Variants in SPRED1 observed in about 807,000 individuals in gnomAD.
SPRED1 encodes sprouty-related, EVH1 domain-containing protein 1.
Under a neutral mutation model 52.3 loss-of-function variants are expected in SPRED1, and 18 were observed. That is an observed-to-expected ratio of 0.34 (90% CI 0.24 to 0.51). The LOEUF (loss-of-function observed/expected upper bound fraction) is 0.51. Among genes scored for constraint, SPRED1 ranks in the 20% least tolerant of loss-of-function variants. The pLI is 0.97. For synonymous variants in SPRED1, 155 were observed against 179.7 expected (o/e 0.86, Z 1.10); for missense variants, 485 against 551.0 (o/e 0.88, Z 1.20).
chr15:38,266,453 A>G (rs921386749), intron 1 of SPRED1, among the ~76,000 whole-genome samples: 2 of 152,128 alleles, frequency 1.3e-5, no homozygotes, highest in Non-Finnish European at 2.9e-5. Context: ...CAGCCTGGGC[A>G]ACATGGCAAA....
rs535470553 is a variant in SPRED1, at chr15:38,289,953, A to AT, written c.33-9413dup. Among the ~76,000 whole-genome samples, 1,268 of 152,002 alleles carry AT rather than the reference A, an allele frequency of 8.3e-3. 14 individuals carry two copies. The highest frequency in any genetic ancestry group is 0.029 in the African/African-American group (1,215 of 41,470). On this transcript the variant is annotated intron_variant, in intron 1 of 6. Coordinates refer to ENST00000299084, the MANE Select transcript of SPRED1 (RefSeq NM_152594.3). The stretch of plus-strand genomic sequence containing the variant: ...AAAAGCTAATACATGTGTGTTACAT[A>AT]TTTTTTTCCCAATTTGTTATCTTTG...
At chr15:38,282,879 A>G (rs1232570057) in intron 1 of SPRED1, among the ~76,000 whole-genome samples, 1 of 151,160 alleles carries the variant, frequency 6.6e-6, no homozygotes, top group Admixed American at 6.7e-5. Flanking sequence ...GTTTTAAACC[A>G]CGGTTTTCTT....
At chr15:38,274,310 A>T (rs921627393) in intron 1 of SPRED1, among the ~76,000 whole-genome samples, 4 of 152,164 alleles carry the variant, frequency 2.6e-5, no homozygotes, top group Non-Finnish European at 5.9e-5. Context: ...ACTGGGGGGA[A>T]CTGCCAACAG....
At chr15:38,334,930 C>G (rs1195708974) in intron 4 of SPRED1, among the ~76,000 whole-genome samples, 2 of 151,608 alleles carry the variant, frequency 1.3e-5, no homozygotes, top group Non-Finnish European at 2.9e-5. Context: ...ATTGCACTCT[C>G]ACCAACAGCG....
intron 2 of SPRED1, among the ~76,000 whole-genome samples, chr15:38,306,352 C>G (rs866505406): frequency 6.6e-6 from 1 of 152,030 alleles, no homozygotes. Context: ...AAACATGTTG[C>G]TAATGCTCAG....
chr15:38,265,235 A>G lies in SPRED1; in HGVS notation c.32+12018A>G, dbSNP rs937585751. Among the ~76,000 whole-genome samples, 6 of 152,292 alleles carry G rather than the reference A, an allele frequency of 3.9e-5. No individual in the cohort carries two copies. In the South Asian group the frequency reaches 6.2e-4, roughly 16 times the overall value. On this transcript the variant is annotated intron_variant, in intron 1 of 6. Transcript: ENST00000299084. Reference sequence around the variant, plus strand: ...GCCTTTTATCTATAAAACCAGGATAATATGTCCCTACTTCAGAGGGATACA... The same window carrying G: ...GCCTTTTATCTATAAAACCAGGATAGTATGTCCCTACTTCAGAGGGATACA...
At chr15:38,333,476 G>T (rs956788905) in intron 4 of SPRED1, among the ~76,000 whole-genome samples, 2 of 152,138 alleles carry the variant, frequency 1.3e-5, no homozygotes, top group Non-Finnish European at 2.9e-5. Flanking sequence ...TAAAGTAACA[G>T]ACTGTGTGTT....
intron 1 of SPRED1, 104 bp from the exon 2 acceptor site, chr15:38,299,266 TCAC>T: frequency 1.6e-6 from 2 of 1,236,020 alleles, no homozygotes; most frequent in Non-Finnish European, 2.4e-6. Flanking sequence ...AACACCTTAG[TCAC>T]CACATGTTAA....
At chr15:38,291,105 C>T (rs1894915092) in intron 1 of SPRED1, among the ~76,000 whole-genome samples, 1 of 152,152 alleles carries the variant, frequency 6.6e-6, no homozygotes, top group African/African-American at 2.4e-5. Flanking sequence ...TGGGTAAATA[C>T]AGCCATTCCA....
Position 38,299,531 on chromosome 15 carries a change from G to C in SPRED1, c.191G>C (p.Arg64Pro). 1 of 1,613,740 alleles carries C rather than the reference G, an allele frequency of 6.2e-7. No homozygotes were observed. Among genetic ancestry groups the C allele is most frequent in the Non-Finnish European group, 8.5e-7 (1 of 1,179,820 alleles). The change falls in exon 2 of 7, where the codon CGA becomes CCA. Residue 64 changes from arginine to proline, a missense_variant. By Grantham distance (103) the Arg-to-Pro change is moderately radical (BLOSUM62 -2). Around this residue, in one of 5 missense-constraint regions of SPRED1, gnomAD observed 232 missense variants for 231.8 expected, o/e 1.00. Coordinates refer to ENST00000299084, the MANE Select transcript of SPRED1 (RefSeq NM_152594.3). The part of the protein sequence containing the change: ...GCADFFIRGE[R>P]LRDKMVVLEC... ...GCTGACTTTTTTATCCGTGGAGAGC[G>C]ACTCAGGGACAAAATGGTAATGAAT...
chr15:38,268,940 CTTTTTTTTTTTT>C (rs66775738), intron 1 of SPRED1, among the ~76,000 whole-genome samples: 25 of 121,866 alleles, frequency 2.1e-4, no homozygotes, highest in Admixed American at 3.3e-4. Flanking sequence ...TAACTTTTTT[CTTTTTTTTTTTT>C]TTTTTTGAGA....
rs1888612568 is a variant in SPRED1 at position 38,356,044 on chromosome 15, A to G, written c.*4380A>G. ...TAGCCATTATTCCTGAAAGCTTCTT[A>G]AATTGCATCAGTTGTTTTGAAATTT... is the stretch of plus-strand genomic sequence containing the variant. On this transcript the variant is annotated 3_prime_UTR_variant, in exon 7 of 7. Transcript: ENST00000299084. 1 of 152,236 alleles carries G rather than the reference A, an allele frequency of 6.6e-6. No homozygotes were observed. The highest frequency in any genetic ancestry group is 6.5e-5 in the Admixed American group (1 of 15,284). 9.4% of individuals were successfully genotyped at this position (152,236 alleles called of 1,614,324 possible). A position where few individuals can be genotyped will look rare whatever the true frequency, so the allele number is the denominator to read the frequency against.
chr15:38,327,927 A>G (rs1357923089), intron 4 of SPRED1, among the ~76,000 whole-genome samples: 2 of 152,206 alleles, frequency 1.3e-5, no homozygotes, highest in Non-Finnish European at 2.9e-5. Flanking sequence ...CAGAGTTACA[A>G]CTGCAAAAGA....
chr15:38,307,135 A>G (rs1895265998), intron 2 of SPRED1, among the ~76,000 whole-genome samples: 1 of 152,206 alleles, frequency 6.6e-6, no homozygotes, highest in Admixed American at 6.5e-5. Flanking sequence ...TAGCTTTCCA[A>G]ATGTTTCTGC....
At chr15:38,341,697 C>T (rs1896033469) in intron 5 of SPRED1, among the ~76,000 whole-genome samples, 1 of 151,944 alleles carries the variant, frequency 6.6e-6, no homozygotes. Flanking sequence ...TTTGATGTTA[C>T]AAATAAAGAT....
chr15:38,334,395 G>T (rs1895867294), intron 4 of SPRED1, among the ~76,000 whole-genome samples: 1 of 151,772 alleles, frequency 6.6e-6, no homozygotes, highest in Non-Finnish European at 1.5e-5. Context: ...CCTTAAGTTG[G>T]GTGACAAATG....
intron 2 of SPRED1, among the ~76,000 whole-genome samples, chr15:38,301,310 C>T (rs1443469303): frequency 2.0e-5 from 3 of 152,092 alleles, no homozygotes; most frequent in Non-Finnish European, 4.4e-5. Flanking sequence ...GCTTAAAAAT[C>T]AAGAGCACTT....
At chr15:38,330,306 G>A (rs914559574) in intron 4 of SPRED1, among the ~76,000 whole-genome samples, 1 of 152,088 alleles carries the variant, frequency 6.6e-6, no homozygotes, top group Non-Finnish European at 1.5e-5. Context: ...ACAGATCACT[G>A]TGTTCAGGTT....
intron 1 of SPRED1, among the ~76,000 whole-genome samples, chr15:38,296,058 TTA>T (rs892539699): frequency 2.0e-5 from 3 of 152,148 alleles, no homozygotes; most frequent in African/African-American, 4.8e-5. Context: ...ATCAAACACT[TTA>T]AGTGTTTTAA....
Sources: gnomAD v4.1 joint callset for allele counts (sites outside exome capture counted in the v4.1 genomes callset) on GRCh38, gnomAD v4.1.1 for gene constraint, gnomAD v4.1.1 regional missense constraint, MANE v1.5 for transcripts, NCBI Gene and HGNC (gene_info 2026-07-23, HGNC 2026-07-21) for gene names.